The following RIPOR2 variants were observed in gnomAD, a reference collection of about 807,000 sequenced individuals.
The protein encoded by RIPOR2 is RHO family interacting cell polarization regulator 2.
A neutral mutation model predicts 114.5 loss-of-function variants in RIPOR2; 39 were observed. That is an observed-to-expected ratio of 0.34 (90% CI 0.26 to 0.44). The LOEUF (loss-of-function observed/expected upper bound fraction) is 0.44. RIPOR2 is among the 20% of genes least tolerant of loss of function. The pLI, the probability that RIPOR2 is intolerant of heterozygous loss-of-function variation, is 1.00. For missense variants in RIPOR2, 1,007 were observed against 1,255.1 expected (o/e 0.80, Z 2.99); for synonymous variants, 445 against 484.4 (o/e 0.92, Z 1.07).
intron 1 of RIPOR2, among the ~76,000 whole-genome samples, chr6:24,900,066 A>G (rs1768264542): frequency 6.6e-6 from 1 of 152,210 alleles, no homozygotes; most frequent in Non-Finnish European, 1.5e-5. Flanking sequence ...ACCTCAGCCT[A>G]CGTGGACAGT....
chr6:25,008,505 C>T (rs906982886), intron 1 of RIPOR2, among the ~76,000 whole-genome samples: 14 of 152,228 alleles, frequency 9.2e-5, no homozygotes, highest in African/African-American at 3.1e-4. Flanking sequence ...GGCTCCAAGC[C>T]TTGAGGGGAA....
At position 24,858,564 on chromosome 6, in the gene RIPOR2, G is replaced by T. The variant is rs1397968481; in HGVS notation, c.715+2409C>A. On this transcript the variant is annotated intron_variant, in intron 8 of 21. Coordinates refer to ENST00000643898, the MANE Select transcript of RIPOR2 (RefSeq NM_001286445.3). The surrounding 1 kb of genome is among the most constrained non-coding windows in gnomAD (Gnocchi z 4.0). ...ATGGAGGAAGAGAAAGATTTCCATG[G>T]GGGTGTTTACCATTGAAAGCCTTCA... is the stretch of plus-strand genomic sequence containing the variant. Among the ~76,000 whole-genome samples the T allele has an allele frequency of 6.6e-6, 1 of 152,136 alleles. No individual in the cohort carries two copies. The highest frequency in any genetic ancestry group is 1.5e-5 in the Non-Finnish European group (1 of 68,022).
intron 1 of RIPOR2, chr6:25,024,323 T>A (rs1480773637): frequency 6.7e-7 from 1 of 1,482,006 alleles, no homozygotes; most frequent in Non-Finnish European, 9.4e-7. Flanking sequence ...TGGCCCCAAG[T>A]TTCAGTGCCT....
chr6:24,953,801 C>T (rs754503453), intron 1 of RIPOR2, among the ~76,000 whole-genome samples: 1 of 152,218 alleles, frequency 6.6e-6, no homozygotes, highest in African/African-American at 2.4e-5. Context: ...TCCAATCATA[C>T]ATCTGCATGA....
At chr6:24,943,941 T>C (rs1003461858) in intron 1 of RIPOR2, among the ~76,000 whole-genome samples, 1 of 152,168 alleles carries the variant, frequency 6.6e-6, no homozygotes. Context: ...TTGGGGGTGT[T>C]TGTTGAAAAG....
intron 12 of RIPOR2, chr6:24,847,818 G>C: frequency 8.6e-7 from 1 of 1,160,256 alleles, no homozygotes; most frequent in Admixed American, 2.7e-5. Flanking sequence ...TCTTTAAAAG[G>C]CTGATCTTAG....
At chr6:24,930,594 G>A (rs1393342959) in intron 1 of RIPOR2, among the ~76,000 whole-genome samples, 1 of 152,174 alleles carries the variant, frequency 6.6e-6, no homozygotes, top group Non-Finnish European at 1.5e-5. Context: ...AAGCTTCCTA[G>A]ACATCTATGG....
intron 1 of RIPOR2, among the ~76,000 whole-genome samples, chr6:24,964,833 G>A (rs1275017386): frequency 6.6e-6 from 1 of 152,140 alleles, no homozygotes; most frequent in Non-Finnish European, 1.5e-5. Flanking sequence ...ACTTGTTCTA[G>A]TAGATGTGTA....
intron 1 of RIPOR2, among the ~76,000 whole-genome samples, chr6:25,016,898 C>T (rs1375504438): frequency 6.6e-6 from 1 of 152,142 alleles, no homozygotes; most frequent in African/African-American, 2.4e-5. Flanking sequence ...AGGGGATTCA[C>T]ATTCTGGGTG....
At chr6:24,966,567 A>G (rs887524142) in intron 1 of RIPOR2, among the ~76,000 whole-genome samples, 1 of 152,184 alleles carries the variant, frequency 6.6e-6, no homozygotes, top group Non-Finnish European at 1.5e-5. Context: ...TAATCACTGT[A>G]ATCATTGGCA....
chr6:24,830,544 GT>G lies in RIPOR2; in HGVS notation c.2470del (p.Thr824LeufsTer59). On this transcript the variant is annotated frameshift_variant, in exon 17 of 22. Coordinates refer to ENST00000643898, the MANE Select transcript of RIPOR2 (RefSeq NM_001286445.3). LOFTEE classifies it high-confidence loss of function. Reference protein sequence around the residue: ...MKQLEASFARTVNKEYPGLAD... With the variant: ...MKQLEASFARXVNKEYPGLAD... ...AAGTCCTGGATATTCTTTGTTGACA[GT>G]TCTGGCAAAGCTGGCCTCCAGCTGC... 1.9e-6 allele frequency: 3 copies of G among 1,551,066 alleles called. No individual in the cohort carries two copies. The highest frequency in any genetic ancestry group is 1.7e-6 in the Non-Finnish European group (2 of 1,146,914).
chr6:25,042,071 AAG>A (rs1403799643), upstream of RIPOR2: 4 of 531,600 alleles, frequency 7.5e-6, no homozygotes, highest in African/African-American at 1.9e-5. Context: ...AAAAAAAAAA[AAG>A]AGTATTTGAG....
intron 1 of RIPOR2, among the ~76,000 whole-genome samples, chr6:24,952,887 T>C (rs909885701): frequency 3.3e-5 from 5 of 152,218 alleles, no homozygotes; most frequent in African/African-American, 1.2e-4. Context: ...ATATAGTTAA[T>C]GTGATAACGC....
chr6:24,890,037 G>A (rs1172821052), intron 1 of RIPOR2, among the ~76,000 whole-genome samples: 1 of 152,070 alleles, frequency 6.6e-6, no homozygotes, highest in Non-Finnish European at 1.5e-5. Context: ...GGGATTACAG[G>A]TATGCGCCAC....
intron 1 of RIPOR2, among the ~76,000 whole-genome samples, chr6:24,941,859 G>A (rs1241988774): frequency 6.6e-6 from 1 of 152,036 alleles, no homozygotes; most frequent in Non-Finnish European, 1.5e-5. Context: ...CAAATTTCTT[G>A]GTGTGGGAGC....
rs1773689453 is a variant in RIPOR2, at chr6:24,969,674, G to T, written c.76+72177C>A. ...GGGTTTTGCTGATAAGGCTCTTTTTGATTGGCCCTGCTCCCACTCCAACTT... is the reference window on the plus strand; with the variant it reads ...GGGTTTTGCTGATAAGGCTCTTTTTTATTGGCCCTGCTCCCACTCCAACTT... On this transcript the variant is annotated intron_variant, in intron 1 of 13. Coordinates refer to the RIPOR2 transcript ENST00000510784. Among the ~76,000 whole-genome samples, 4 of 152,052 alleles carry T rather than the reference G, an allele frequency of 2.6e-5. No homozygotes were observed. The South Asian group carries it at 8.3e-4, about 32-fold the overall frequency.
intron 1 of RIPOR2, chr6:25,024,512 C>G (rs1000150659): frequency 5.7e-6 from 4 of 704,390 alleles, no homozygotes. Context: ...GCGCGAGTTC[C>G]CAGCGTCTGG....
At chr6:24,809,899 C>T (rs1177036499) in intron 20 of RIPOR2, 92 bp from the exon 21 acceptor site, 2 of 840,102 alleles carry the variant, frequency 2.4e-6, no homozygotes, top group Middle Eastern at 2.4e-4. Flanking sequence ...GAACTTTAGC[C>T]TCACTTTGTT....
chr6:25,006,159 T>A (rs1040925800), intron 1 of RIPOR2, among the ~76,000 whole-genome samples: 8 of 152,216 alleles, frequency 5.3e-5, no homozygotes, highest in Non-Finnish European at 1.0e-4. Context: ...TTAACATGTA[T>A]ACAGTTTTTC....
Sources: allele counts gnomAD v4.1 joint callset (sites outside exome capture counted in the v4.1 genomes callset), GRCh38; gene constraint gnomAD v4.1.1; non-coding constraint Gnocchi (gnomAD v3.1); transcripts MANE v1.5; gene names NCBI Gene and HGNC (gene_info 2026-07-23, HGNC 2026-07-21).